The following ENPP2 variants were observed in gnomAD, a reference collection of about 807,000 sequenced individuals.
ENPP2 encodes ectonucleotide pyrophosphatase/phosphodiesterase 2.
In ENPP2, 51 loss-of-function variants were observed where a neutral mutation model predicts 120.2. The ratio of observed to expected loss-of-function variants is 0.42; its 90% CI spans 0.34 to 0.54. The LOEUF is 0.54. Ranked by LOEUF, ENPP2 falls within the 20% of genes least tolerant of loss-of-function variation. ENPP2 has a pLI of 0.04. For synonymous variants in ENPP2, 365 were observed against 366.4 expected (o/e 1.00, Z 0.04); for missense variants, 920 against 1,066.5 (o/e 0.86, Z 1.91).
At chr8:119,636,046 T>G (rs368554718) in intron 2 of ENPP2, among the ~76,000 whole-genome samples, 2 of 152,212 alleles carry the variant, frequency 1.3e-5, no homozygotes, top group African/African-American at 4.8e-5. Flanking sequence ...GTGTTCCTTC[T>G]ATTTGTTGCA....
intron 1 of ENPP2, among the ~76,000 whole-genome samples, chr8:119,666,579 G>A (rs562252161): frequency 5.3e-5 from 8 of 152,050 alleles, no homozygotes; most frequent in Non-Finnish European, 1.0e-4. Context: ...TCAGGAGTTC[G>A]AGACCAGCCT....
intron 3 of ENPP2, among the ~76,000 whole-genome samples, chr8:119,625,921 G>A (rs1050379771): frequency 6.6e-6 from 1 of 152,174 alleles, no homozygotes; most frequent in African/African-American, 2.4e-5. Flanking sequence ...CCCAGAGCGT[G>A]AGACTCCAAA....
chr8:119,590,908 G>C (rs1486872192), intron 12 of ENPP2, among the ~76,000 whole-genome samples: 2 of 145,210 alleles, frequency 1.4e-5, no homozygotes, highest in Admixed American at 1.4e-4. Flanking sequence ...AGCCAGAATA[G>C]CAAGACAAAG....
intron 24 of ENPP2, among the ~76,000 whole-genome samples, chr8:119,557,996 A>G (rs1813603885): frequency 6.6e-6 from 1 of 152,232 alleles, no homozygotes; most frequent in African/African-American, 2.4e-5. Flanking sequence ...AGGAAAACCA[A>G]AGGCCCTAGA....
Position 119,582,398 on chromosome 8 carries a change from A to C in ENPP2, c.1728+20T>G. 6.2e-7 allele frequency: 1 copy of C among 1,603,446 alleles called. No homozygotes were observed. On this transcript the variant is annotated intron_variant, in intron 18 of 24. Coordinates refer to ENST00000075322, the MANE Select transcript of ENPP2 (RefSeq NM_001040092.3). ...CCACCCAACAAACTTCTCCATAATA[A>C]ACATAAAGATTATTTCTACCTTTGG...
chr8:119,664,228 A>C (rs1209473279), intron 1 of ENPP2, among the ~76,000 whole-genome samples: 1 of 152,246 alleles, frequency 6.6e-6, no homozygotes, highest in Non-Finnish European at 1.5e-5. Context: ...ATGATATTTG[A>C]CATGTTCATG....
intron 1 of ENPP2, among the ~76,000 whole-genome samples, chr8:119,658,959 T>C (rs192366234): frequency 6.6e-6 from 1 of 152,156 alleles, no homozygotes; most frequent in Admixed American, 6.5e-5. Context: ...TTATTCTCTG[T>C]CAGTGGCAGC....
At chr8:119,597,717 C>T (rs145805344) in intron 11 of ENPP2, among the ~76,000 whole-genome samples, 124 of 152,206 alleles carry the variant, frequency 8.1e-4, no homozygotes, top group South Asian at 1.7e-3. Flanking sequence ...AAAAAGATTG[C>T]GCCAATAATC....
Position 119,600,730 on chromosome 8 carries a change from T to C in ENPP2, c.920A>G (p.Tyr307Cys). 2 of 1,611,464 alleles carry C rather than the reference T, an allele frequency of 1.2e-6. No homozygotes were observed. Among genetic ancestry groups the C allele is most frequent in the Non-Finnish European group, 1.7e-6 (2 of 1,177,660 alleles). ...TCCAGAGAAATCAGGTTGCTCAGAA[T>C]AGAAGGCATAGACCGAAGGCCTATA... ...DHERPSVYAF[Y>C]SEQPDFSGHK... The change falls in exon 11 of 25, where the codon TAT becomes TGT. Residue 307 changes from tyrosine to cysteine, a missense_variant. Transcript: ENST00000075322.
intron 24 of ENPP2, among the ~76,000 whole-genome samples, chr8:119,561,365 C>T (rs1427563155): frequency 6.6e-6 from 1 of 152,216 alleles, no homozygotes; most frequent in Non-Finnish European, 1.5e-5. Flanking sequence ...CTGTCTAACA[C>T]ACTCTTGTTT....
At chr8:119,575,241 A>G (rs1473049388) in intron 19 of ENPP2, among the ~76,000 whole-genome samples, 1 of 152,140 alleles carries the variant, frequency 6.6e-6, no homozygotes, top group Non-Finnish European at 1.5e-5. Context: ...GCATAGCAGC[A>G]CTAGAATCCC....
At chr8:119,655,694 C>T (rs959969595) in intron 1 of ENPP2, among the ~76,000 whole-genome samples, 12 of 152,198 alleles carry the variant, frequency 7.9e-5, no homozygotes, top group Non-Finnish European at 1.5e-5. Context: ...TTACTGAATT[C>T]TCTCAACAGT....
chr8:119,622,473 G>A (rs141394056), intron 3 of ENPP2, among the ~76,000 whole-genome samples: 94 of 152,296 alleles, frequency 6.2e-4, no homozygotes, highest in Non-Finnish European at 1.2e-3. Flanking sequence ...GAACATACCT[G>A]ATTGACAGCT....
At chr8:119,601,312 C>G (rs1587444638) in intron 10 of ENPP2, 85 bp downstream of exon 10, 1 of 920,390 alleles carries the variant, frequency 1.1e-6, no homozygotes, top group East Asian at 2.4e-5. Context: ...ATTGGCTGTG[C>G]TTCTATTCCA....
At chr8:119,650,507 A>T (rs2130872196) in intron 1 of ENPP2, among the ~76,000 whole-genome samples, 1 of 152,374 alleles carries the variant, frequency 6.6e-6, no homozygotes, top group East Asian at 1.9e-4. Flanking sequence ...TATTTTAAAA[A>T]AGAACCGAGA....
At chr8:119,637,614 A>C (rs1262734283) in intron 2 of ENPP2, among the ~76,000 whole-genome samples, 2 of 152,178 alleles carry the variant, frequency 1.3e-5, no homozygotes, top group African/African-American at 4.8e-5. Flanking sequence ...AGTCCAGAAA[A>C]TATTGTTCCC....
chr8:119,600,805 T>C lies in ENPP2; in HGVS notation c.900-55A>G, dbSNP rs1814243610. ...CTCCTAAACCACATGTAACAAAAAA[T>C]ATCACATATTTTTAAAAAACGCATT... On this transcript the variant is annotated intron_variant, in intron 10 of 24. Coordinates refer to ENST00000075322, the MANE Select transcript of ENPP2 (RefSeq NM_001040092.3). 4.1e-6 allele frequency: 4 copies of C among 976,646 alleles called. No homozygotes were observed. In the Admixed American group the frequency reaches 6.4e-5, roughly 16 times the overall value. The allele number at this position is 976,646 out of a possible 1,614,324, so 60.5% of individuals were successfully genotyped here.
chr8:119,562,708 A>T, intron 24 of ENPP2, 149 bp downstream of exon 24: 1 of 709,012 alleles, frequency 1.4e-6, no homozygotes, highest in Non-Finnish European at 2.2e-6. Flanking sequence ...CCTACATGTT[A>T]AGCAAAGTTC....
chr8:119,638,800 C>T lies in ENPP2; in HGVS notation c.-20G>A, dbSNP rs756959097. 1.2e-6 allele frequency: 2 copies of T among 1,613,804 alleles called. No homozygotes were observed. Among genetic ancestry groups the T allele is most frequent in the African/African-American group, 1.3e-5 (1 of 74,928 alleles). The stretch of plus-strand genomic sequence containing the variant: ...TGCCATGTCGAGGATTCTTGGAAAG[C>T]CTTTTGCAGCGTGTTCTCTTTGCCT... On this transcript the variant is annotated 5_prime_UTR_variant, in exon 1 of 25. Transcript: ENST00000075322.
Sources: gnomAD v4.1 joint callset for allele counts (sites outside exome capture counted in the v4.1 genomes callset) on GRCh38, gnomAD v4.1.1 for gene constraint, MANE v1.5 for transcripts, NCBI Gene and HGNC (gene_info 2026-07-23, HGNC 2026-07-21) for gene names.